CABIN1: variants seen among roughly 807,000 people sequenced by gnomAD.
CABIN1 encodes the protein calcineurin-binding protein cabin-1.
CABIN1 carries 133 observed loss-of-function variants against 227.7 expected under a neutral mutation model. The ratio of observed to expected loss-of-function variants is 0.58; its 90% CI spans 0.51 to 0.67. CABIN1 has a LOEUF of 0.67. Ranked by LOEUF, CABIN1 falls within the 30% of genes least tolerant of loss-of-function variation. The pLI, the probability that CABIN1 is intolerant of heterozygous loss-of-function variation, is 0.00. For synonymous variants in CABIN1, 1,086 were observed against 1,155.1 expected (o/e 0.94, Z 1.21); for missense variants, 2,408 against 2,852.5 (o/e 0.84, Z 3.55).
chr22:24,072,561 G>A (rs780788050), intron 18 of CABIN1, 51 bp downstream of exon 18: 3 of 1,609,150 alleles, frequency 1.9e-6, no homozygotes, highest in East Asian at 2.2e-5. Flanking sequence ...CCATGTCCTT[G>A]CCCCTGTCCT....
At chr22:24,112,875 T>A (rs2147782682) in intron 26 of CABIN1, among the ~76,000 whole-genome samples, 1 of 152,300 alleles carries the variant, frequency 6.6e-6, no homozygotes, top group East Asian at 1.9e-4. Context: ...AGGTAGGCTT[T>A]GTACCTTTTC....
At chr22:24,071,112 G>A in intron 17 of CABIN1, 70 bp downstream of exon 17, 2 of 1,602,158 alleles carry the variant, frequency 1.2e-6, no homozygotes, top group Non-Finnish European at 1.7e-6. Context: ...TGCTTCTTCA[G>A]TAGTTCATAG....
At position 24,055,295 on chromosome 22, in the gene CABIN1, C is replaced by T. The variant is rs546518149; in HGVS notation, c.1093+136C>T. 2.9e-6 allele frequency: 3 copies of T among 1,048,042 alleles called. No homozygotes were observed. The East Asian group carries it at 7.8e-5, about 27-fold the overall frequency. The allele number at this position is 1,048,042 out of a possible 1,614,324, so 64.9% of individuals were successfully genotyped here. ...CTCATGACTCAAGTGGAAGTGGGAG[C>T]CCCCAGCCCTAGAGGAGCCTCTCAG... On this transcript the variant is annotated intron_variant, in intron 9 of 36. Coordinates refer to ENST00000263119, the MANE Select transcript of CABIN1 (RefSeq NM_012295.4).
intron 1 of CABIN1, among the ~76,000 whole-genome samples, chr22:24,013,460 G>A (rs9612540): frequency 6.6e-6 from 1 of 152,228 alleles, no homozygotes; most frequent in East Asian, 1.9e-4. Flanking sequence ...GCCTCCAAAA[G>A]TGCTGGGATT....
chr22:24,063,111 G>A lies in CABIN1; in HGVS notation c.1849G>A (p.Val617Ile). The change falls in exon 14 of 37, where the codon GTT (valine) becomes ATT (isoleucine). Residue 617 changes from valine to isoleucine, a missense_variant. Physicochemically the swap from Val to Ile is conservative, Grantham distance 29 (BLOSUM62 3). Coordinates refer to ENST00000263119, the MANE Select transcript of CABIN1 (RefSeq NM_012295.4). Reference protein sequence around the residue: ...EDGWLEFVVRVYWLKARFLAL... With the variant: ...EDGWLEFVVRIYWLKARFLAL... ...TGGTTGGCTGGAGTTTGTGGTCCGT[G>A]TTTACTGGCTGAAGGCTCGCTTCCT... The A allele has an allele frequency of 6.2e-7, 1 of 1,614,214 alleles. No individual in the cohort carries two copies. The highest frequency in any genetic ancestry group is 8.5e-7 in the Non-Finnish European group (1 of 1,180,032).
intron 26 of CABIN1, among the ~76,000 whole-genome samples, chr22:24,103,587 T>A (rs986337852): frequency 6.6e-6 from 1 of 152,088 alleles, no homozygotes; most frequent in East Asian, 1.9e-4. Context: ...GGAGTGCCAT[T>A]CCTAAACAGA....
At chr22:24,136,974 C>T (rs975062145) in intron 29 of CABIN1, among the ~76,000 whole-genome samples, 1 of 152,198 alleles carries the variant, frequency 6.6e-6, no homozygotes, top group South Asian at 2.1e-4. Flanking sequence ...AGTTGATAGG[C>T]GAGTTGGAGC....
At chr22:24,020,435 C>T (rs982324726) in intron 1 of CABIN1, among the ~76,000 whole-genome samples, 3 of 151,954 alleles carry the variant, frequency 2.0e-5, no homozygotes, top group South Asian at 2.1e-4. Flanking sequence ...GATCCTCCTC[C>T]GTCAGCCTCC....
chr22:24,024,763 C>T (rs1018514944), intron 1 of CABIN1, among the ~76,000 whole-genome samples: 5 of 152,082 alleles, frequency 3.3e-5, no homozygotes, highest in Admixed American at 6.5e-5. Flanking sequence ...CCTTCACATT[C>T]GCTGACCATT....
chr22:24,177,937 G>C lies in CABIN1; in HGVS notation c.6520-116G>C. The C allele has an allele frequency of 6.7e-7, 1 of 1,501,710 alleles. No homozygotes were observed. The highest frequency in any genetic ancestry group is 9.0e-7 in the Non-Finnish European group (1 of 1,105,244). 93.0% of individuals were successfully genotyped at this position (1,501,710 alleles called of 1,614,324 possible). On this transcript the variant is annotated intron_variant, in intron 36 of 36. Transcript: ENST00000263119. The surrounding 1 kb of genome is among the most constrained non-coding windows in gnomAD (Gnocchi z 4.4). ...GGGTGTGGGTGAGGATGGCATAGGG[G>C]CCTGGGGCAGGGGTGAGGGTGGGAG...
intron 22 of CABIN1, among the ~76,000 whole-genome samples, chr22:24,085,675 C>T (rs960465614): frequency 6.6e-6 from 1 of 152,224 alleles, no homozygotes; most frequent in African/African-American, 2.4e-5. Context: ...ACATGAAGCT[C>T]ATGCTCTCTT....
At chr22:24,066,229 A>G (rs112234981) in intron 15 of CABIN1, among the ~76,000 whole-genome samples, 1,531 of 152,334 alleles carry the variant, frequency 0.01, 22 homozygotes, top group Middle Eastern at 0.024. Context: ...ACACTGGGAC[A>G]CTGCAGATCC....
intron 7 of CABIN1, among the ~76,000 whole-genome samples, chr22:24,049,878 G>A (rs1014555096): frequency 1.3e-5 from 2 of 152,070 alleles, no homozygotes; most frequent in African/African-American, 2.4e-5. Flanking sequence ...TTTGCCAGGT[G>A]TCTTCCCACA....
chr22:24,118,397 C>T (rs754573513), intron 27 of CABIN1, among the ~76,000 whole-genome samples: 28 of 152,158 alleles, frequency 1.8e-4, no homozygotes, highest in Non-Finnish European at 2.4e-4. Context: ...ACTTAGCATG[C>T]GGAGAACTGG....
intron 1 of CABIN1, among the ~76,000 whole-genome samples, chr22:24,017,294 C>T (rs1476506629): frequency 6.6e-6 from 1 of 152,154 alleles, no homozygotes; most frequent in Non-Finnish European, 1.5e-5. Flanking sequence ...GCCTCAGCCT[C>T]CCAAAGTGCT....
At chr22:24,012,779 G>T (rs901567272) in intron 1 of CABIN1, among the ~76,000 whole-genome samples, 2 of 152,194 alleles carry the variant, frequency 1.3e-5, no homozygotes, top group Non-Finnish European at 2.9e-5. Flanking sequence ...GTGTGTGTGT[G>T]TGACGGAGCC....
chr22:24,063,891 C>G (rs1424218832), intron 14 of CABIN1, 144 bp from the exon 15 acceptor site: 3 of 911,604 alleles, frequency 3.3e-6, no homozygotes, highest in East Asian at 2.4e-5. Context: ...ACATGCCAGG[C>G]CTTTCTTAGG....
intron 31 of CABIN1, 38 bp from the exon 32 acceptor site, chr22:24,166,601 A>AC (rs1298451756): frequency 6.2e-7 from 1 of 1,612,430 alleles, no homozygotes; most frequent in South Asian, 1.1e-5. Context: ...CAGTGGAGAC[A>AC]CCAGCGACAC....
intron 15 of CABIN1, among the ~76,000 whole-genome samples, chr22:24,064,472 G>T (rs1346958942): frequency 6.7e-6 from 1 of 149,898 alleles, no homozygotes; most frequent in East Asian, 2.0e-4. Context: ...CTCTCGCAGT[G>T]CTGGGATTAC....
Sources: allele counts gnomAD v4.1 joint callset (sites outside exome capture counted in the v4.1 genomes callset), GRCh38; gene constraint gnomAD v4.1.1; non-coding constraint Gnocchi (gnomAD v3.1); transcripts MANE v1.5; gene names NCBI Gene and HGNC (gene_info 2026-07-23, HGNC 2026-07-21).